Variants in MYO3A observed in about 807,000 individuals in gnomAD.
MYO3A encodes myosin-IIIa.
MYO3A carries 180 observed loss-of-function variants against 192.7 expected under a neutral mutation model. That is an observed-to-expected ratio of 0.93 (90% CI 0.83 to 1.06). MYO3A has a LOEUF of 1.06. MYO3A is among the 50% of genes least tolerant of loss of function. The pLI is 0.00. For synonymous variants in MYO3A, 628 were observed against 645.3 expected, an observed-to-expected ratio of 0.97 and a Z score of 0.41; for missense variants, 1,896 against 1,905.0, an observed-to-expected ratio of 1.00 and a Z score of 0.09.
chr10:26,076,582 A>G (rs1241435143), intron 14 of MYO3A, among the ~76,000 whole-genome samples: 3 of 152,106 alleles, frequency 2.0e-5, no homozygotes, highest in African/African-American at 4.8e-5. Flanking sequence ...GCCTATGCCA[A>G]TGTCTAAAAG....
intron 11 of MYO3A, among the ~76,000 whole-genome samples, 183 bp downstream of exon 11, chr10:26,067,257 A>G (rs1212874503): frequency 6.6e-6 from 1 of 152,092 alleles, no homozygotes; most frequent in East Asian, 1.9e-4. Flanking sequence ...TTAGCTTCCT[A>G]TTATTTCACT....
Position 26,010,950 on chromosome 10 carries a change from A to G in MYO3A, c.509-5870A>G, listed in dbSNP as rs999034416. On this transcript the variant is annotated intron_variant, in intron 6 of 34. Coordinates refer to ENST00000642920, the MANE Select transcript of MYO3A (RefSeq NM_017433.5). ...ATATACTAACTGAAGAGTTTTGCAT[A>G]TATTTGTTAAATACTATTTAATTAA... is the stretch of plus-strand genomic sequence containing the variant. Among the ~76,000 whole-genome samples, 9 of 152,198 alleles carry G rather than the reference A, an allele frequency of 5.9e-5. No individual in the cohort carries two copies. The South Asian group carries it at 1.0e-3, about 17-fold the overall frequency.
intron 2 of MYO3A, among the ~76,000 whole-genome samples, chr10:25,947,554 C>T (rs544401168): frequency 5.9e-5 from 9 of 151,854 alleles, no homozygotes; most frequent in East Asian, 1.9e-4. Context: ...CCACCATGCC[C>T]GGCTAATTTT....
At chr10:26,146,146 T>C (rs1840454068) in intron 22 of MYO3A, among the ~76,000 whole-genome samples, 1 of 152,114 alleles carries the variant, frequency 6.6e-6, no homozygotes, top group African/African-American at 2.4e-5. Flanking sequence ...AGAAACACAT[T>C]CCCACAGCAG....
intron 26 of MYO3A, among the ~76,000 whole-genome samples, chr10:26,158,259 T>A (rs11014974): frequency 0.57 from 74,305 of 129,812 alleles, 18,602 homozygotes; most frequent in Middle Eastern, 0.64. Context: ...ATTTTATTTT[T>A]TTTTTTTTTT....
At chr10:25,961,811 T>G (rs982026380) in intron 4 of MYO3A, among the ~76,000 whole-genome samples, 3 of 152,216 alleles carry the variant, frequency 2.0e-5, no homozygotes, top group African/African-American at 7.2e-5. Flanking sequence ...GAAAATTGGC[T>G]TGTGGCATCA....
intron 31 of MYO3A, among the ~76,000 whole-genome samples, chr10:26,181,958 C>T (rs1288402792): frequency 6.6e-6 from 1 of 152,050 alleles, no homozygotes; most frequent in Non-Finnish European, 1.5e-5. Context: ...TATTAACAGC[C>T]CTTTAAATTC....
intron 31 of MYO3A, among the ~76,000 whole-genome samples, chr10:26,187,362 A>C (rs1842914242): frequency 1.3e-5 from 2 of 152,188 alleles, no homozygotes; most frequent in Admixed American, 6.5e-5. Context: ...GCAGAAACTT[A>C]CTTTCTCACA....
chr10:26,058,860 T>C (rs545875756), intron 10 of MYO3A, among the ~76,000 whole-genome samples: 2 of 152,308 alleles, frequency 1.3e-5, no homozygotes, highest in Non-Finnish European at 2.9e-5. Flanking sequence ...TCCATTTACT[T>C]AGTTCTTGTT....
At chr10:26,182,177 G>A (rs928981603) in intron 31 of MYO3A, among the ~76,000 whole-genome samples, 34 of 152,216 alleles carry the variant, frequency 2.2e-4, no homozygotes, top group African/African-American at 8.2e-4. Context: ...CCAGTATAGC[G>A]GATACTCTCC....
At chr10:26,097,838 A>C (rs1329556022) in intron 17 of MYO3A, among the ~76,000 whole-genome samples, 1 of 152,198 alleles carries the variant, frequency 6.6e-6, no homozygotes, top group Non-Finnish European at 1.5e-5. Context: ...ATAGTGCCAC[A>C]ATAAACATAT....
intron 34 of MYO3A, among the ~76,000 whole-genome samples, chr10:26,207,030 T>C (rs1441870907): frequency 1.3e-5 from 2 of 152,226 alleles, no homozygotes; most frequent in East Asian, 3.9e-4. Context: ...CTTTTGCCCA[T>C]TGTTTAATTG....
At chr10:26,095,438 A>T (rs188831232) in intron 15 of MYO3A, among the ~76,000 whole-genome samples, 48 of 152,294 alleles carry the variant, frequency 3.2e-4, no homozygotes, top group African/African-American at 1.1e-3. Context: ...CCACAGAGAG[A>T]TGCAAACCCC....
intron 10 of MYO3A, among the ~76,000 whole-genome samples, chr10:26,064,623 C>G (rs1372587417): frequency 6.6e-6 from 1 of 151,938 alleles, no homozygotes; most frequent in African/African-American, 2.4e-5. Context: ...AGCAGGCAAA[C>G]CTCTTGGGAG....
At chr10:26,060,009 G>A (rs1358783099) in intron 10 of MYO3A, among the ~76,000 whole-genome samples, 1 of 152,134 alleles carries the variant, frequency 6.6e-6, no homozygotes, top group African/African-American at 2.4e-5. Flanking sequence ...CGTAATCCCA[G>A]CACTTTGGGA....
intron 2 of MYO3A, among the ~76,000 whole-genome samples, chr10:25,945,036 A>C (rs1420939274): frequency 6.6e-6 from 1 of 152,004 alleles, no homozygotes; most frequent in Non-Finnish European, 1.5e-5. Context: ...CAACAAATTT[A>C]TCTCTTAGCA....
At chr10:26,047,600 C>T (rs1235102218) in intron 10 of MYO3A, among the ~76,000 whole-genome samples, 2 of 150,814 alleles carry the variant, frequency 1.3e-5, no homozygotes, top group African/African-American at 2.4e-5. Flanking sequence ...GGTGAAACCC[C>T]ATCTCTACTA....
At chr10:26,140,914 G>T (rs1840123115) in intron 20 of MYO3A, among the ~76,000 whole-genome samples, 1 of 151,926 alleles carries the variant, frequency 6.6e-6, no homozygotes, top group Non-Finnish European at 1.5e-5. Flanking sequence ...AAATGTATAT[G>T]TGTTTGTTTG....
chr10:26,080,600 C>G (rs35311015), intron 14 of MYO3A, among the ~76,000 whole-genome samples: 820 of 46,350 alleles, frequency 0.018, no homozygotes, highest in Middle Eastern at 0.026. Flanking sequence ...TGGGGGGAGG[C>G]GGGGCGGGGG....
Sources: allele counts gnomAD v4.1 joint callset (sites outside exome capture counted in the v4.1 genomes callset), GRCh38; gene constraint gnomAD v4.1.1; transcripts MANE v1.5; gene names NCBI Gene and HGNC (gene_info 2026-07-23, HGNC 2026-07-21).